C2CD5: variants seen among roughly 807,000 people sequenced by gnomAD.
C2CD5 encodes the protein C2 domain-containing protein 5.
A neutral mutation model predicts 130.3 loss-of-function variants in C2CD5; 109 were observed. The observed-to-expected ratio is 0.84, with a 90% CI of 0.72 to 0.98. C2CD5 has a LOEUF of 0.98. Among genes scored for constraint, C2CD5 ranks in the 50% least tolerant of loss-of-function variants. C2CD5 has a pLI of 0.00. For missense variants in C2CD5, 996 were observed against 1,261.8 expected, an observed-to-expected ratio of 0.79 and a Z score of 3.19; for synonymous variants, 454 against 429.2, an observed-to-expected ratio of 1.06 and a Z score of -0.71.
intron 2 of C2CD5, 65 bp from the exon 3 acceptor site, chr12:22,535,409 T>A: frequency 2.4e-6 from 2 of 835,628 alleles, no homozygotes; most frequent in South Asian, 2.9e-5. Context: ...TAAATTTTAA[T>A]GTCAGCCAAC....
At chr12:22,488,990 C>T (rs980100088) in intron 12 of C2CD5, among the ~76,000 whole-genome samples, 2 of 151,646 alleles carry the variant, frequency 1.3e-5, no homozygotes, top group Non-Finnish European at 2.9e-5. Flanking sequence ...ATTCTTCTGC[C>T]TTAGCCTCCT....
At chr12:22,532,199 G>A (rs1001916983) in intron 3 of C2CD5, among the ~76,000 whole-genome samples, 3 of 151,870 alleles carry the variant, frequency 2.0e-5, no homozygotes, top group Admixed American at 2.0e-4. Context: ...GTGTGGTGGC[G>A]CATGACTGTA....
rs909947058 is a variant in C2CD5, at chr12:22,458,591, AAC to A, written c.2585-8_2585-7del. On this transcript the variant is annotated splice_polypyrimidine_tract_variant and splice_region_variant and intron_variant, in intron 23 of 26. Transcript: ENST00000446597. ...ACTGTAATCAACTGACGTTGCTGAA[AAC>A]ACAGACAGAAAACAAAAGAAAAAAA... 4.8e-6 allele frequency: 6 copies of A among 1,240,432 alleles called. No homozygotes were observed. Among genetic ancestry groups the A allele is most frequent in the African/African-American group, 3.1e-5 (2 of 64,692 alleles). The allele number at this position is 1,240,432 out of a possible 1,614,324, so 76.8% of individuals were successfully genotyped here.
At chr12:22,509,645 T>TA (rs1948966965) in intron 9 of C2CD5, among the ~76,000 whole-genome samples, 1 of 152,242 alleles carries the variant, frequency 6.6e-6, no homozygotes. Flanking sequence ...AGCAGATTGT[T>TA]AAGTACCTAT....
At chr12:22,536,217 CAAGA>C (rs1211091924) in intron 2 of C2CD5, among the ~76,000 whole-genome samples, 1 of 151,060 alleles carries the variant, frequency 6.6e-6, no homozygotes, top group East Asian at 1.9e-4. Context: ...GAAGTATATA[CAAGA>C]AATAGTAACA....
chr12:22,535,258 C>G lies in C2CD5; in HGVS notation c.177G>C (p.Glu59Asp). Reference sequence around the variant, plus strand: ...AAAATGCTGACATTTAAAAACTTACCTCAAATTTAAACCACTCCGAGTTCC... The same window carrying G: ...AAAATGCTGACATTTAAAAACTTACGTCAAATTTAAACCACTCCGAGTTCC... ...PQWNSEWFKF[E>D]VDDEDLQDEP... Residue 59 changes from glutamate (E) to aspartate (D), a missense_variant and splice_region_variant, in exon 3 of 27, where the codon GAG becomes GAC. Transcript: ENST00000446597. 6 of 1,570,068 alleles carry G rather than the reference C, an allele frequency of 3.8e-6. No individual in the cohort carries two copies. The highest frequency in any genetic ancestry group is 5.3e-6 in the Non-Finnish European group (6 of 1,142,372).
At chr12:22,464,426 T>C (rs969814539) in intron 22 of C2CD5, among the ~76,000 whole-genome samples, 6 of 152,212 alleles carry the variant, frequency 3.9e-5, no homozygotes, top group African/African-American at 1.2e-4. Context: ...AGTAACTCAA[T>C]GCAATTTTCC....
chr12:22,466,752 C>T (rs1231126741), intron 22 of C2CD5, among the ~76,000 whole-genome samples: 3 of 152,174 alleles, frequency 2.0e-5, no homozygotes, highest in Non-Finnish European at 4.4e-5. Flanking sequence ...GGTACAGATA[C>T]ACTTTTAAGT....
rs566673807 is a variant in C2CD5 at position 22,482,465 on chromosome 12, T to A, written c.1737+92A>T. On this transcript the variant is annotated intron_variant, in intron 14 of 26. Transcript: ENST00000446597. ...AGGTCTTAATGTCAAAGTCTTTAGATAAGCCTTTGAAAAGACTATTTGAAT... is the reference window on the plus strand; with the variant it reads ...AGGTCTTAATGTCAAAGTCTTTAGAAAAGCCTTTGAAAAGACTATTTGAAT... 1.5e-4 allele frequency: 161 copies of A among 1,062,742 alleles called. 1 individual carries two copies. The South Asian group carries it at 2.1e-3, about 14-fold the overall frequency. 65.8% of individuals were successfully genotyped at this position (1,062,742 alleles called of 1,614,324 possible).
chr12:22,481,616 G>C (rs1290473623), intron 14 of C2CD5, among the ~76,000 whole-genome samples: 1 of 137,266 alleles, frequency 7.3e-6, no homozygotes. Flanking sequence ...GCTTTTTCTT[G>C]TCTCATATTT....
intron 12 of C2CD5, among the ~76,000 whole-genome samples, chr12:22,487,295 C>A (rs1363648394): frequency 6.7e-6 from 1 of 150,228 alleles, no homozygotes; most frequent in African/African-American, 2.4e-5. Flanking sequence ...AAAATTTTTG[C>A]AATCTATCCA....
chr12:22,457,833 G>C, intron 24 of C2CD5, among the ~76,000 whole-genome samples: 1 of 152,090 alleles, frequency 6.6e-6, no homozygotes, highest in East Asian at 1.9e-4. Context: ...GGAAATGGAA[G>C]GTTAGAGAAG....
chr12:22,492,638 A>T (rs987468712), intron 11 of C2CD5, among the ~76,000 whole-genome samples: 7 of 152,148 alleles, frequency 4.6e-5, no homozygotes, highest in African/African-American at 1.7e-4. Context: ...AGATAATGGA[A>T]CAGTAGCGTG....
In C2CD5 at chr12:22,458,409, G is replaced by A. The variant is rs1461757328; in HGVS notation, c.2686+75C>T. 8 of 582,644 alleles carry A rather than the reference G, an allele frequency of 1.4e-5. No homozygotes were observed. In the South Asian group the frequency reaches 5.1e-4, roughly 37 times the overall value. 36.1% of individuals were successfully genotyped at this position (582,644 alleles called of 1,614,324 possible). ...TGGCAATGTTATTACTGGGTAGTAA[G>A]GTCTAGCTTTCACCACTGGGAAATC... On this transcript the variant is annotated intron_variant, in intron 24 of 26. Transcript: ENST00000446597.
At position 22,472,916 on chromosome 12, in the gene C2CD5, TA is replaced by T. The variant is rs1943270640; in HGVS notation, c.2044-110del. 9.0e-6 allele frequency: 6 copies of T among 666,254 alleles called. No individual in the cohort carries two copies. The East Asian group carries it at 1.7e-4, about 19-fold the overall frequency. 41.3% of individuals were successfully genotyped at this position (666,254 alleles called of 1,614,324 possible). ...AAAAGGCAGAGTCATTTTTCCTAAG[TA>T]AAAATATGTAACAAGAAAAAAATTC... On this transcript the variant is annotated intron_variant, in intron 16 of 26. Transcript: ENST00000446597.
At chr12:22,529,542 A>C (rs1951023831) in intron 3 of C2CD5, among the ~76,000 whole-genome samples, 1 of 152,248 alleles carries the variant, frequency 6.6e-6, no homozygotes, top group Non-Finnish European at 1.5e-5. Flanking sequence ...TAACAAGATG[A>C]ATAACAGGGA....
chr12:22,498,196 C>G (rs777144897), intron 10 of C2CD5, among the ~76,000 whole-genome samples: 1 of 151,982 alleles, frequency 6.6e-6, no homozygotes, highest in Non-Finnish European at 1.5e-5. Context: ...GAGAGCCTAC[C>G]ACCTATCTCC....
At position 22,524,635 on chromosome 12, in the gene C2CD5, A is replaced by G. The variant is rs1418533187; in HGVS notation, c.446-8T>C. On this transcript the variant is annotated splice_region_variant and splice_polypyrimidine_tract_variant and intron_variant, in intron 5 of 26. Coordinates refer to ENST00000446597, the MANE Select transcript of C2CD5 (RefSeq NM_001286176.2). ...ATTTTGGAATAGACGTTGCTGTTAA[A>G]ACAAATTATTATGCTTCTGTTTATC... The G allele has an allele frequency of 6.2e-7, 1 of 1,601,238 alleles. No homozygotes were observed. Among genetic ancestry groups the G allele is most frequent in the Admixed American group, 1.7e-5 (1 of 57,926 alleles).
intron 2 of C2CD5, among the ~76,000 whole-genome samples, chr12:22,542,994 C>T (rs1952548989): frequency 6.6e-6 from 1 of 152,210 alleles, no homozygotes; most frequent in Admixed American, 6.5e-5. Flanking sequence ...TATCACCTAA[C>T]ATCTGGCACA....
Sources: gnomAD v4.1 joint callset for allele counts (sites outside exome capture counted in the v4.1 genomes callset) on GRCh38, gnomAD v4.1.1 for gene constraint, MANE v1.5 for transcripts, NCBI Gene and HGNC (gene_info 2026-07-23, HGNC 2026-07-21) for gene names.